Variants in TAFA4 observed in about 807,000 individuals in gnomAD.
The protein encoded by TAFA4 is chemokine-like protein TAFA-4.
TAFA4 carries 20 observed loss-of-function variants against 21.1 expected under a neutral mutation model. The ratio of observed to expected loss-of-function variants is 0.95; its 90% CI spans 0.67 to 1.38. TAFA4 has a LOEUF of 1.38. Among genes scored for constraint, TAFA4 ranks in the 40% most tolerant of loss-of-function variants. The probability of loss-of-function intolerance (pLI) is 0.00; values close to 1 mark genes in which losing one functional copy is unlikely to be tolerated. For synonymous variants in TAFA4, 71 were observed against 67.4 expected, an observed-to-expected ratio of 1.05 and a Z score of -0.26; for missense variants, 211 against 180.9, an observed-to-expected ratio of 1.17 and a Z score of -0.95.
chr3:68,807,595 C>G (rs1703731221), intron 3 of TAFA4, among the ~76,000 whole-genome samples: 1 of 152,202 alleles, frequency 6.6e-6, no homozygotes, highest in Admixed American at 6.5e-5. Flanking sequence ...TAGGCAAAAA[C>G]ACACTTGTAA....
intron 1 of TAFA4, 81 bp from the exon 2 acceptor site, chr3:68,885,391 T>C (rs1417845935): frequency 1.8e-6 from 1 of 565,720 alleles, no homozygotes; most frequent in Non-Finnish European, 3.1e-6. Flanking sequence ...AGTAGCAAAA[T>C]AATGGTTTTT....
At chr3:68,834,179 G>C (rs1480116626) in intron 3 of TAFA4, among the ~76,000 whole-genome samples, 1 of 152,148 alleles carries the variant, frequency 6.6e-6, no homozygotes, top group Non-Finnish European at 1.5e-5. Flanking sequence ...TTTAGGGTCT[G>C]CCTACTTAAG....
chr3:68,788,807 TAG>T (rs1703310656), intron 3 of TAFA4, among the ~76,000 whole-genome samples: 1 of 151,980 alleles, frequency 6.6e-6, no homozygotes, highest in Non-Finnish European at 1.5e-5. Context: ...TTTATTTTTG[TAG>T]AGACAGGATC....
At chr3:68,880,932 C>G (rs1375782323) in intron 2 of TAFA4, 87 bp from the exon 3 acceptor site, 2 of 973,430 alleles carry the variant, frequency 2.1e-6, no homozygotes, top group Non-Finnish European at 3.2e-6. Context: ...CGGGAGAAAG[C>G]AGGGGCAGAT....
chr3:68,880,735 T>A lies in TAFA4; in HGVS notation c.125A>T (p.His42Leu), dbSNP rs200368314. The A allele has an allele frequency of 2.2e-4, 350 of 1,613,994 alleles. No individual in the cohort carries two copies. Among genetic ancestry groups the A allele is most frequent in the Non-Finnish European group, 2.7e-4 (322 of 1,179,918 alleles). Residue 42 changes from histidine (H) to leucine (L), a missense_variant, in exon 3 of 6, where the codon CAT becomes CTT. Physicochemically the swap from His to Leu is moderately conservative, Grantham distance 99 (BLOSUM62 -3). Transcript: ENST00000295569. ...AATGAGCTTAAAGGGCTTACCTGCA[T>A]GTCCCCGGAGGTGCTGGCTTGAGGC... ...MSASSQHLRG[H>L]AGHHQIKQGT...
chr3:68,906,599 T>C (rs1304383973), intron 1 of TAFA4, among the ~76,000 whole-genome samples: 2 of 152,124 alleles, frequency 1.3e-5, no homozygotes, highest in East Asian at 3.9e-4. Context: ...CCAGAGTCCT[T>C]CTCTTATCAA....
At chr3:68,917,477 G>C (rs992995006) in intron 1 of TAFA4, among the ~76,000 whole-genome samples, 1 of 152,028 alleles carries the variant, frequency 6.6e-6, no homozygotes, top group Non-Finnish European at 1.5e-5. Context: ...AGGAACGACC[G>C]GGCATGGTGG....
Position 68,894,244 on chromosome 3 carries a change from C to T in TAFA4, c.-122-8934G>A, listed in dbSNP as rs371712612. Among the ~76,000 whole-genome samples the T allele has an allele frequency of 1.5e-3, 222 of 151,150 alleles. 1 individual carries two copies. The highest frequency in any genetic ancestry group is 5.1e-3 in the African/African-American group (208 of 41,082). On this transcript the variant is annotated intron_variant, in intron 1 of 5. Transcript: ENST00000295569. ...CACAATCAGGGGTCACTGCGTCCTTCATCTCTGGGACTCATGTGATCCTCC... is the reference window on the plus strand; with the variant it reads ...CACAATCAGGGGTCACTGCGTCCTTTATCTCTGGGACTCATGTGATCCTCC...
intron 3 of TAFA4, among the ~76,000 whole-genome samples, chr3:68,775,173 G>A (rs1034297211): frequency 6.6e-6 from 1 of 152,098 alleles, no homozygotes; most frequent in Non-Finnish European, 1.5e-5. Context: ...ATGTGAGCTG[G>A]GAGCCTCTAA....
chr3:68,845,503 C>T (rs1704765958), intron 3 of TAFA4, among the ~76,000 whole-genome samples: 1 of 152,056 alleles, frequency 6.6e-6, no homozygotes, highest in South Asian at 2.1e-4. Flanking sequence ...TAATTGGGGC[C>T]TTTAGCCCAT....
intron 4 of TAFA4, among the ~76,000 whole-genome samples, chr3:68,745,622 A>G (rs1281152191): frequency 1.3e-5 from 2 of 152,188 alleles, no homozygotes; most frequent in Admixed American, 6.5e-5. Flanking sequence ...ATTTCATGTG[A>G]TAATTAGCTG....
intron 1 of TAFA4, among the ~76,000 whole-genome samples, chr3:68,898,415 G>A (rs1484323005): frequency 6.6e-6 from 1 of 152,220 alleles, no homozygotes; most frequent in Non-Finnish European, 1.5e-5. Context: ...CACTTTGGGA[G>A]GCCAAGGTGG....
intron 3 of TAFA4, among the ~76,000 whole-genome samples, chr3:68,840,259 G>A (rs1394798081): frequency 1.3e-5 from 2 of 152,230 alleles, no homozygotes; most frequent in African/African-American, 2.4e-5. Context: ...TCAGGCTTTA[G>A]TGCAGTGGTG....
intron 3 of TAFA4, among the ~76,000 whole-genome samples, chr3:68,858,783 G>C (rs1189104785): frequency 6.6e-6 from 1 of 152,012 alleles, no homozygotes; most frequent in African/African-American, 2.4e-5. Flanking sequence ...TGGCTATTTT[G>C]ACCCTAGAGC....
rs1051574125 is a variant in TAFA4 at position 68,932,490 on chromosome 3, C to T, written c.-373G>A. 1.3e-5 allele frequency: 2 copies of T among 152,302 alleles called. No individual in the cohort carries two copies. Among genetic ancestry groups the T allele is most frequent in the East Asian group, 3.9e-4 (2 of 5,178 alleles). 9.4% of individuals were successfully genotyped at this position (152,302 alleles called of 1,614,324 possible). ...CTGAGGCAGGACTCCCGATGTTTGC[C>T]CGCAGCCGCGCGCGCAGTCGGTGCG... is the stretch of plus-strand genomic sequence containing the variant. On this transcript the variant is annotated 5_prime_UTR_variant, in exon 1 of 6. Transcript: ENST00000295569.
At chr3:68,791,091 A>T (rs1055180053) in intron 3 of TAFA4, among the ~76,000 whole-genome samples, 5 of 152,220 alleles carry the variant, frequency 3.3e-5, no homozygotes, top group African/African-American at 1.2e-4. Flanking sequence ...AAGGGAACCA[A>T]CTTAAGTATC....
intron 3 of TAFA4, among the ~76,000 whole-genome samples, chr3:68,813,272 A>G (rs1199905921): frequency 6.6e-6 from 1 of 152,216 alleles, no homozygotes; most frequent in African/African-American, 2.4e-5. Flanking sequence ...GAACTAGAGA[A>G]GCAAGAGCAA....
chr3:68,800,701 G>A (rs1204364310), intron 3 of TAFA4, among the ~76,000 whole-genome samples: 2 of 152,214 alleles, frequency 1.3e-5, no homozygotes, highest in Non-Finnish European at 2.9e-5. Flanking sequence ...CCAGAATGGG[G>A]AGGCCACTCT....
chr3:68,879,172 A>G (rs1400797586), intron 3 of TAFA4, among the ~76,000 whole-genome samples: 1 of 152,160 alleles, frequency 6.6e-6, no homozygotes, highest in East Asian at 1.9e-4. Context: ...CTGGACACTC[A>G]GACACAGCCG....
Sources: allele counts gnomAD v4.1 joint callset (sites outside exome capture counted in the v4.1 genomes callset), GRCh38; gene constraint gnomAD v4.1.1; transcripts MANE v1.5; gene names NCBI Gene and HGNC (gene_info 2026-07-23, HGNC 2026-07-21).